Variants in DNMBP observed in about 807,000 individuals in gnomAD.
DNMBP encodes dynamin-binding protein.
DNMBP carries 87 observed loss-of-function variants against 150.0 expected under a neutral mutation model. That is an observed-to-expected ratio of 0.58 (90% CI 0.49 to 0.69). The LOEUF is 0.69. DNMBP is among the 30% of genes least tolerant of loss of function. The pLI is 0.00. For missense variants in DNMBP, 1,774 were observed against 1,949.0 expected (o/e 0.91, Z 1.69); for synonymous variants, 711 against 750.4 (o/e 0.95, Z 0.86).
chr10:99,973,872 T>C (rs1589445812), intron 1 of DNMBP, among the ~76,000 whole-genome samples: 1 of 151,802 alleles, frequency 6.6e-6, no homozygotes, highest in East Asian at 1.9e-4. Flanking sequence ...TCCCAGCTAC[T>C]TGGGAGGCTG....
intron 3 of DNMBP, among the ~76,000 whole-genome samples, chr10:99,961,407 T>C (rs1447375293): frequency 2.8e-5 from 4 of 143,150 alleles, no homozygotes; most frequent in African/African-American, 5.3e-5. Flanking sequence ...CCTAAGTAGC[T>C]GAGACTACAG....
Position 99,896,327 on chromosome 10 carries a change from G to A in DNMBP, c.2991C>T (p.Ile997=). The A allele has an allele frequency of 1.1e-5, 17 of 1,614,128 alleles. No individual in the cohort carries two copies. Among genetic ancestry groups the A allele is most frequent in the Non-Finnish European group, 1.4e-5 (17 of 1,179,968 alleles). Residue 997 remains isoleucine (I), a synonymous_variant, in exon 10 of 17, where the codon ATC becomes ATT. Transcript: ENST00000324109. ...TGCTAACTCGGTTGGATTTCTTGAT[G>A]ATGGAGTGGATGTTCAGTTTGGAAA... The part of the protein sequence containing the change: ...EKISKLNIHS[I]IKKSNRVSSH...
intron 1 of DNMBP, among the ~76,000 whole-genome samples, chr10:99,997,346 T>C (rs1273815500): frequency 6.6e-6 from 1 of 152,130 alleles, no homozygotes; most frequent in Non-Finnish European, 1.5e-5. Context: ...AGGCAGAATG[T>C]TTTCAACTAG....
At chr10:99,886,951 C>A (rs1463507585) in intron 12 of DNMBP, among the ~76,000 whole-genome samples, 1 of 152,134 alleles carries the variant, frequency 6.6e-6, no homozygotes. Flanking sequence ...TAGAAACCAG[C>A]CGTGAAGTTT....
At chr10:99,935,478 T>C (rs1363760948) in intron 4 of DNMBP, among the ~76,000 whole-genome samples, 5 of 152,090 alleles carry the variant, frequency 3.3e-5, no homozygotes, top group Admixed American at 2.6e-4. Flanking sequence ...CCTTGAACTG[T>C]TGGGCTCAAG....
At chr10:99,987,638 C>G (rs1311343454) in intron 1 of DNMBP, among the ~76,000 whole-genome samples, 1 of 151,678 alleles carries the variant, frequency 6.6e-6, no homozygotes, top group Non-Finnish European at 1.5e-5. Flanking sequence ...GGAGCTGAGG[C>G]AGGAGGATCA....
At position 99,900,029 on chromosome 10, in the gene DNMBP, T is replaced by A; in HGVS notation, c.2592A>T (p.Gly864=). ...GATTCTGGCAGTAAATCTTGTATGTTCCCTCAAGCTCATCCCGGTGACCAA... is the reference window on the plus strand; with the variant it reads ...GATTCTGGCAGTAAATCTTGTATGTACCCTCAAGCTCATCCCGGTGACCAA... ...VFLGHRDELE[G]TYKIYCQNHD... is the part of the protein sequence containing the mutation. The change falls in exon 7 of 17, where the codon GGA becomes GGT. Residue 864 remains glycine, a synonymous_variant. Transcript: ENST00000324109. 6.2e-7 allele frequency: 1 copy of A among 1,614,114 alleles called. No individual in the cohort carries two copies.
chr10:99,917,504 T>G (rs529616474), intron 4 of DNMBP, among the ~76,000 whole-genome samples: 1 of 152,246 alleles, frequency 6.6e-6, no homozygotes. Context: ...ATGATGAATA[T>G]ATAATATTGC....
Position 99,876,157 on chromosome 10 carries a change from T to C in DNMBP, c.*994A>G, listed in dbSNP as rs1055716190. 3.3e-5 allele frequency: 5 copies of C among 152,180 alleles called. No homozygotes were observed. Among genetic ancestry groups the C allele is most frequent in the Non-Finnish European group, 5.9e-5 (4 of 68,030 alleles). The allele number at this position is 152,180 out of a possible 1,614,324, so 9.4% of individuals were successfully genotyped here. ...AACTGGTTTCAGCTCAAAGCAGAAC[T>C]AATACTTTTAATGGAATGGCTGGAG... is the stretch of plus-strand genomic sequence containing the variant. On this transcript the variant is annotated 3_prime_UTR_variant, in exon 17 of 17. Coordinates refer to ENST00000324109, the MANE Select transcript of DNMBP (RefSeq NM_015221.4).
At chr10:99,896,141 A>T (rs2039649088) in intron 10 of DNMBP, 126 bp downstream of exon 10, 13 of 1,111,144 alleles carry the variant, frequency 1.2e-5, no homozygotes, top group Non-Finnish European at 1.7e-5. Context: ...CCCTGTCTCC[A>T]CCAGCTCGTA....
At chr10:99,877,895 G>A (rs908393069) in intron 16 of DNMBP, among the ~76,000 whole-genome samples, 2 of 152,048 alleles carry the variant, frequency 1.3e-5, no homozygotes, top group Non-Finnish European at 2.9e-5. Flanking sequence ...GAGGCTGAGG[G>A]CAGATCACTA....
chr10:99,951,544 A>G (rs2133322271), intron 4 of DNMBP, among the ~76,000 whole-genome samples: 1 of 152,340 alleles, frequency 6.6e-6, no homozygotes, highest in South Asian at 2.1e-4. Flanking sequence ...GCCCAACACC[A>G]TGGGAACCCA....
At chr10:99,941,682 G>A (rs2133306193) in intron 4 of DNMBP, among the ~76,000 whole-genome samples, 1 of 152,040 alleles carries the variant, frequency 6.6e-6, no homozygotes, top group Admixed American at 6.6e-5. Context: ...TGGTCAGGCT[G>A]GTCTTGAACT....
chr10:99,914,013 A>G lies in DNMBP; in HGVS notation c.2261-4867T>C, dbSNP rs2039933624. 3 of 1,509,772 alleles carry G rather than the reference A, an allele frequency of 2.0e-6. No homozygotes were observed. In the East Asian group the frequency reaches 8.0e-5, roughly 40 times the overall value. 93.5% of individuals were successfully genotyped at this position (1,509,772 alleles called of 1,614,324 possible). On this transcript the variant is annotated intron_variant, in intron 4 of 16. Coordinates refer to ENST00000324109, the MANE Select transcript of DNMBP (RefSeq NM_015221.4). Reference sequence around the variant, plus strand: ...GGGCCTGAGGGTAAGCAGGCGGGACAGAATCTTCCCAGAGCTCTGGAATGC... The same window carrying G: ...GGGCCTGAGGGTAAGCAGGCGGGACGGAATCTTCCCAGAGCTCTGGAATGC...
intron 1 of DNMBP, among the ~76,000 whole-genome samples, chr10:100,001,368 G>C (rs939958126): frequency 3.4e-5 from 5 of 147,890 alleles, no homozygotes; most frequent in African/African-American, 1.2e-4. Flanking sequence ...CTAGCAAAAA[G>C]TGATTAGGGA....
chr10:99,957,228 T>C (rs2040511041), intron 3 of DNMBP, 23 bp from the exon 4 acceptor site: 2 of 1,587,616 alleles, frequency 1.3e-6, no homozygotes, highest in African/African-American at 1.3e-5. Context: ...GGAGCAGAGA[T>C]GGTGACCTCA....
intron 6 of DNMBP, among the ~76,000 whole-genome samples, chr10:99,906,687 G>A (rs574643156): frequency 2.8e-4 from 43 of 152,060 alleles, no homozygotes; most frequent in Non-Finnish European, 5.0e-4. Flanking sequence ...AGAAACTGAC[G>A]CCTGAAGAAC....
At chr10:99,950,892 G>GTT (rs748592667) in intron 4 of DNMBP, among the ~76,000 whole-genome samples, 6 of 152,222 alleles carry the variant, frequency 3.9e-5, no homozygotes, top group African/African-American at 1.2e-4. Flanking sequence ...AGAAATTTGC[G>GTT]TAAGTAATGA....
At chr10:99,934,350 G>A (rs1284053705) in intron 4 of DNMBP, among the ~76,000 whole-genome samples, 1 of 149,790 alleles carries the variant, frequency 6.7e-6, no homozygotes, top group East Asian at 2.0e-4. Flanking sequence ...CAGTGTAACT[G>A]GAGTAAGGCT....
Sources: allele counts gnomAD v4.1 joint callset (sites outside exome capture counted in the v4.1 genomes callset), GRCh38; gene constraint gnomAD v4.1.1; transcripts MANE v1.5; gene names NCBI Gene and HGNC (gene_info 2026-07-23, HGNC 2026-07-21).